The following CLEC4A variants were observed in gnomAD, a reference collection of about 807,000 sequenced individuals.
CLEC4A encodes the protein C-type (calcium dependent, carbohydrate-recognition domain) lectin, superfamily member 6.
CLEC4A carries 27 observed loss-of-function variants against 32.7 expected under a neutral mutation model. The observed-to-expected ratio is 0.83, with a 90% CI of 0.61 to 1.14. The LOEUF is 1.14. CLEC4A is among the 50% of genes most tolerant of loss of function. The pLI, the probability that CLEC4A is intolerant of heterozygous loss-of-function variation, is 0.00. For missense variants in CLEC4A, 253 were observed against 274.6 expected (o/e 0.92, Z 0.55); for synonymous variants, 89 against 93.7 (o/e 0.95, Z 0.29).
chr12:8,107,151 A>G, the CLEC4A span, among the ~76,000 whole-genome samples: 1 of 151,982 alleles, frequency 6.6e-6, no homozygotes, highest in South Asian at 2.1e-4. Context: ...TTTTGTTTTT[A>G]GTTTTCTTTA....
chr12:8,120,378 G>A (rs561016650), upstream of CLEC4A, among the ~76,000 whole-genome samples: 5 of 151,980 alleles, frequency 3.3e-5, no homozygotes, highest in Admixed American at 2.0e-4. Flanking sequence ...TGAGATATAC[G>A]GGCCCACCAT....
In CLEC4A at chr12:8,135,590, G is replaced by C. The variant is rs369429077; in HGVS notation, c.304G>C (p.Ala102Pro). The change falls in exon 4 of 6, where the codon GCC becomes CCC. Residue 102 changes from alanine to proline, a missense_variant. Physicochemically the swap from Ala to Pro is conservative, Grantham distance 27. Transcript: ENST00000229332. ...TGCCCCTCTTCCCAATACAGAGACA[G>C]CCTGGAGCTGTTGCCCAAAGAATTG... Reference protein sequence around the residue: ...VKKNMPVEETAWSCCPKNWKS... With the variant: ...VKKNMPVEETPWSCCPKNWKS... 35 of 1,613,996 alleles carry C rather than the reference G, an allele frequency of 2.2e-5. No homozygotes were observed. The highest frequency in any genetic ancestry group is 5.3e-5 in the African/African-American group (4 of 74,942).
chr12:8,109,457 A>G, the CLEC4A span, among the ~76,000 whole-genome samples: 2 of 152,170 alleles, frequency 1.3e-5, no homozygotes, highest in African/African-American at 2.4e-5. Context: ...TGGCTTTTTG[A>G]CCTTGGAAAA....
chr12:8,113,717 C>G, the CLEC4A span, among the ~76,000 whole-genome samples: 1 of 152,152 alleles, frequency 6.6e-6, no homozygotes, highest in Non-Finnish European at 1.5e-5. Context: ...TACCCAGGTT[C>G]TTATTGCCTA....
upstream of CLEC4A, chr12:8,120,844 T>C (rs1439575039): frequency 6.6e-6 from 1 of 152,238 alleles, no homozygotes; most frequent in East Asian, 1.9e-4. Context: ...GTGAAAGGAT[T>C]AAACTTTGAT....
chr12:8,103,890 G>A, the CLEC4A span, among the ~76,000 whole-genome samples: 1 of 152,168 alleles, frequency 6.6e-6, no homozygotes, highest in South Asian at 2.1e-4. Context: ...GGTGGGGAGT[G>A]TTGCTGTTGA....
At chr12:8,114,452 G>A in the CLEC4A span, among the ~76,000 whole-genome samples, 1 of 151,996 alleles carries the variant, frequency 6.6e-6, no homozygotes, top group Non-Finnish European at 1.5e-5. Context: ...CACCGTGTTA[G>A]CCAGGATGGT....
chr12:8,108,335 T>G, the CLEC4A span, among the ~76,000 whole-genome samples: 1 of 152,248 alleles, frequency 6.6e-6, no homozygotes, highest in African/African-American at 2.4e-5. Context: ...GTAGTAGAGT[T>G]GCTGATACAT....
intron 5 of CLEC4A, among the ~76,000 whole-genome samples, 182 bp from the exon 6 acceptor site, chr12:8,137,958 T>G (rs1296096817): frequency 6.6e-6 from 1 of 152,132 alleles, no homozygotes; most frequent in East Asian, 1.9e-4. Flanking sequence ...TAGGCACAGT[T>G]TTCAAAGGAA....
At chr12:8,106,981 G>A in the CLEC4A span, among the ~76,000 whole-genome samples, 3 of 152,154 alleles carry the variant, frequency 2.0e-5, no homozygotes. Context: ...TCCAGCTTTT[G>A]CCCATTCAGT....
chr12:8,108,257 A>C, the CLEC4A span, among the ~76,000 whole-genome samples: 1 of 152,218 alleles, frequency 6.6e-6, no homozygotes, highest in Non-Finnish European at 1.5e-5. Flanking sequence ...CCAAGTAAGT[A>C]GTAATGAAGA....
intron 2 of CLEC4A, among the ~76,000 whole-genome samples, chr12:8,126,371 ATTTTTTTT>A (rs55729993): frequency 8.6e-6 from 1 of 115,696 alleles, no homozygotes; most frequent in South Asian, 2.7e-4. Flanking sequence ...TGCTCAGCTA[ATTTTTTTT>A]TTTTTTTTTT....
At chr12:8,104,781 T>C in the CLEC4A span, among the ~76,000 whole-genome samples, 1 of 152,228 alleles carries the variant, frequency 6.6e-6, no homozygotes, top group African/African-American at 2.4e-5. Flanking sequence ...TGTGTCCATA[T>C]GTATGCAATG....
intron 3 of CLEC4A, 38 bp from the exon 4 acceptor site, chr12:8,135,547 A>G: frequency 1.2e-6 from 2 of 1,605,892 alleles, no homozygotes; most frequent in Non-Finnish European, 8.5e-7. Flanking sequence ...AAGAGTGATT[A>G]TTTATATTGC....
chr12:8,128,116 A>G (rs1462711641), intron 2 of CLEC4A, among the ~76,000 whole-genome samples: 4 of 152,194 alleles, frequency 2.6e-5, no homozygotes, highest in Non-Finnish European at 5.9e-5. Flanking sequence ...ACTCTGGGAA[A>G]TGTTACATTT....
the CLEC4A span, among the ~76,000 whole-genome samples, chr12:8,114,221 G>A: frequency 2.0e-5 from 3 of 152,116 alleles, no homozygotes; most frequent in Non-Finnish European, 4.4e-5. Context: ...TGACGTACTT[G>A]CATTAATGTT....
chr12:8,111,840 C>A, the CLEC4A span, among the ~76,000 whole-genome samples: 1 of 149,058 alleles, frequency 6.7e-6, no homozygotes, highest in Non-Finnish European at 1.5e-5. Flanking sequence ...GGGTGAAATG[C>A]GATTAATTAA....
chr12:8,134,784 C>T lies in CLEC4A; in HGVS notation c.299-801C>T, dbSNP rs376132895. 3.9e-6 allele frequency: 6 copies of T among 1,552,608 alleles called. No individual in the cohort carries two copies. The East Asian group carries it at 9.7e-5, about 25-fold the overall frequency. Reference sequence around the variant, plus strand: ...ATCAACCCAGCCCGGCTCCGGCCCCCCTGGCCCATCACCTCCACCGCCTGG... The same window carrying T: ...ATCAACCCAGCCCGGCTCCGGCCCCTCTGGCCCATCACCTCCACCGCCTGG... On this transcript the variant is annotated intron_variant, in intron 3 of 5. Transcript: ENST00000229332.
chr12:8,118,451 G>T, the CLEC4A span, among the ~76,000 whole-genome samples: 1 of 151,894 alleles, frequency 6.6e-6, no homozygotes, highest in African/African-American at 2.4e-5. Flanking sequence ...GCTTTAATTG[G>T]CTTACAGTTC....
Sources: allele counts gnomAD v4.1 joint callset (sites outside exome capture counted in the v4.1 genomes callset), GRCh38; gene constraint gnomAD v4.1.1; transcripts MANE v1.5; gene names NCBI Gene and HGNC (gene_info 2026-07-23, HGNC 2026-07-21).